Variants in RBFOX1 observed in about 807,000 individuals in gnomAD.
The protein encoded by RBFOX1 is RNA binding fox-1 homolog 1.
A neutral mutation model predicts 57.7 loss-of-function variants in RBFOX1; 8 were observed. The observed-to-expected ratio is 0.14, with a 90% CI of 0.08 to 0.25. The LOEUF (loss-of-function observed/expected upper bound fraction) is 0.25. RBFOX1 is among the 10% of genes least tolerant of loss of function. The pLI is 1.00. For missense variants in RBFOX1, 611 were observed against 548.5 expected, an observed-to-expected ratio of 1.11 and a Z score of -1.14; for synonymous variants, 326 against 222.4, an observed-to-expected ratio of 1.47 and a Z score of -4.15.
intron 4 of RBFOX1, among the ~76,000 whole-genome samples, chr16:5,993,634 A>T (rs943839626): frequency 6.6e-6 from 1 of 152,156 alleles, no homozygotes; most frequent in Non-Finnish European, 1.5e-5. Flanking sequence ...ATGAGGCATT[A>T]GTTCTCCATC....
chr16:6,947,912 G>A (rs529480755), intron 3 of RBFOX1, among the ~76,000 whole-genome samples: 2 of 152,200 alleles, frequency 1.3e-5, no homozygotes, highest in African/African-American at 2.4e-5. Flanking sequence ...AAGTAGCTGG[G>A]ATTACAGGCT....
intron 10 of RBFOX1, among the ~76,000 whole-genome samples, chr16:7,609,687 A>C (rs1013905275): frequency 6.6e-6 from 1 of 152,230 alleles, no homozygotes; most frequent in Non-Finnish European, 1.5e-5. Flanking sequence ...CCAAAATGCA[A>C]AAAGTTGGTA....
chr16:6,695,657 T>C (rs559386347), intron 3 of RBFOX1, among the ~76,000 whole-genome samples: 1 of 152,300 alleles, frequency 6.6e-6, no homozygotes, highest in African/African-American at 2.4e-5. Context: ...ACGATCATAG[T>C]GTCCGGCCTA....
At chr16:7,151,826 A>C (rs1193056637) in intron 4 of RBFOX1, among the ~76,000 whole-genome samples, 1 of 152,050 alleles carries the variant, frequency 6.6e-6, no homozygotes, top group Middle Eastern at 3.2e-3. Flanking sequence ...CATGCAACCT[A>C]GCTCCTTCGC....
intron 1 of RBFOX1, among the ~76,000 whole-genome samples, chr16:5,246,410 C>T (rs1164902566): frequency 2.6e-5 from 4 of 152,030 alleles, no homozygotes; most frequent in Non-Finnish European, 5.9e-5. Flanking sequence ...TACAAAATGG[C>T]TAAATCAAGC....
chr16:5,761,012 A>G (rs1435795270), intron 3 of RBFOX1, among the ~76,000 whole-genome samples: 1 of 152,244 alleles, frequency 6.6e-6, no homozygotes, highest in Non-Finnish European at 1.5e-5. Context: ...AATGAAAAAC[A>G]GATAATGTGG....
intron 3 of RBFOX1, among the ~76,000 whole-genome samples, chr16:6,848,197 C>G (rs2093867332): frequency 6.6e-6 from 1 of 151,906 alleles, no homozygotes; most frequent in East Asian, 2.0e-4. Context: ...TGGGGTGATA[C>G]AGCAAGTGGC....
chr16:7,616,610 C>T (rs1568114932), intron 10 of RBFOX1, among the ~76,000 whole-genome samples: 1 of 152,210 alleles, frequency 6.6e-6, no homozygotes, highest in Admixed American at 6.5e-5. Context: ...GTCACCTAGG[C>T]TGGAGTGCAG....
At chr16:7,219,222 C>A (rs1202620342) in intron 4 of RBFOX1, among the ~76,000 whole-genome samples, 1 of 152,206 alleles carries the variant, frequency 6.6e-6, no homozygotes, top group Non-Finnish European at 1.5e-5. Context: ...AGGCAGCATG[C>A]TCTACCAATT....
chr16:5,485,919 A>G (rs1055640246), intron 2 of RBFOX1, among the ~76,000 whole-genome samples: 8 of 152,238 alleles, frequency 5.3e-5, no homozygotes, highest in African/African-American at 1.9e-4. Context: ...CCATCTGCAA[A>G]ATGGAGATGA....
intron 2 of RBFOX1, among the ~76,000 whole-genome samples, chr16:6,444,777 G>C (rs1421271561): frequency 6.6e-6 from 1 of 152,132 alleles, no homozygotes; most frequent in Admixed American, 6.6e-5. Context: ...AGGGAGGCAG[G>C]GGAGGAACCA....
chr16:7,359,995 A>G (rs1227591796), intron 4 of RBFOX1, among the ~76,000 whole-genome samples: 1 of 151,970 alleles, frequency 6.6e-6, no homozygotes, highest in Non-Finnish European at 1.5e-5. Flanking sequence ...AAAAAAAACA[A>G]AAAACAAACA....
intron 4 of RBFOX1, among the ~76,000 whole-genome samples, chr16:5,913,728 A>T (rs2058651292): frequency 1.3e-5 from 2 of 152,224 alleles, no homozygotes; most frequent in South Asian, 4.1e-4. Context: ...AAGAAGAATG[A>T]TATTCCAAAC....
At chr16:7,476,054 C>G (rs2062632354) in intron 4 of RBFOX1, among the ~76,000 whole-genome samples, 1 of 152,132 alleles carries the variant, frequency 6.6e-6, no homozygotes, top group Non-Finnish European at 1.5e-5. Context: ...CAGCCTCAGC[C>G]TCCTGAGCCC....
chr16:7,485,212 C>T (rs952154336), intron 4 of RBFOX1, among the ~76,000 whole-genome samples: 2 of 152,172 alleles, frequency 1.3e-5, no homozygotes, highest in Non-Finnish European at 2.9e-5. Flanking sequence ...TTTTGTTTTA[C>T]AACTATAATG....
At chr16:6,886,709 C>T (rs577441718) in intron 3 of RBFOX1, among the ~76,000 whole-genome samples, 4 of 150,444 alleles carry the variant, frequency 2.7e-5, no homozygotes, top group African/African-American at 7.3e-5. Flanking sequence ...AAACTGAGAT[C>T]GCACCACCGC....
intron 4 of RBFOX1, among the ~76,000 whole-genome samples, chr16:7,153,571 T>C (rs1209707411): frequency 6.7e-6 from 1 of 148,392 alleles, no homozygotes; most frequent in Non-Finnish European, 1.5e-5. Context: ...CCATCTCTAC[T>C]GAAAAAACAA....
At chr16:6,184,164 C>T (rs535809160) in intron 1 of RBFOX1, among the ~76,000 whole-genome samples, 3 of 152,192 alleles carry the variant, frequency 2.0e-5, no homozygotes, top group Admixed American at 6.5e-5. Context: ...GGAAACTGCC[C>T]CCATGATTCA....
intron 3 of RBFOX1, among the ~76,000 whole-genome samples, chr16:6,863,004 A>G (rs559125544): frequency 6.6e-6 from 1 of 151,764 alleles, no homozygotes; most frequent in East Asian, 1.9e-4. Flanking sequence ...AAAGGAAGAC[A>G]GGCCGCAGCT....
Sources: gnomAD v4.1 joint callset for allele counts (sites outside exome capture counted in the v4.1 genomes callset) on GRCh38, gnomAD v4.1.1 for gene constraint, MANE v1.5 for transcripts, NCBI Gene and HGNC (gene_info 2026-07-23, HGNC 2026-07-21) for gene names.